The following MYOF variants were observed in gnomAD, a reference collection of about 807,000 sequenced individuals.
MYOF encodes myoferlin.
MYOF carries 244 observed loss-of-function variants against 284.2 expected under a neutral mutation model. The observed-to-expected ratio is 0.86, with a 90% CI of 0.77 to 0.95. The LOEUF (loss-of-function observed/expected upper bound fraction) is 0.95. Among genes scored for constraint, MYOF ranks in the 40% least tolerant of loss-of-function variants. The pLI, the probability that MYOF is intolerant of heterozygous loss-of-function variation, is 0.00. For synonymous variants in MYOF, 904 were observed against 919.7 expected, an observed-to-expected ratio of 0.98 and a Z score of 0.31; for missense variants, 2,496 against 2,560.6, an observed-to-expected ratio of 0.97 and a Z score of 0.54.
chr10:93,397,530 A>G, intron 13 of MYOF, 74 bp from the exon 14 acceptor site: 1 of 1,073,560 alleles, frequency 9.3e-7, no homozygotes, highest in Non-Finnish European at 1.4e-6. Context: ...TATGCATACT[A>G]GATTATGACT....
chr10:93,327,206 G>A (rs1209322855), intron 45 of MYOF, among the ~76,000 whole-genome samples: 1 of 152,014 alleles, frequency 6.6e-6, no homozygotes, highest in Non-Finnish European at 1.5e-5. Flanking sequence ...CTGGTCATCA[G>A]CCCCAGCCGA....
chr10:93,469,830 A>G (rs1474351), intron 1 of MYOF, among the ~76,000 whole-genome samples: 118,347 of 152,160 alleles, frequency 0.78, 46,461 homozygotes, highest in South Asian at 0.85. Context: ...ACCCTGCTGT[A>G]AGACCTTGAG....
At position 93,340,160 on chromosome 10, in the gene MYOF, G is replaced by T. The variant is rs1272440879; in HGVS notation, c.4331C>A (p.Thr1444Lys). The change falls in exon 39 of 54, where the codon ACA (threonine) becomes AAA (lysine). Residue 1444 changes from threonine (T) to lysine (K), a missense_variant. Physicochemically the swap from Thr to Lys is moderately conservative, Grantham distance 78 (BLOSUM62 -1). This residue lies in a region of MYOF where 2,436 missense variants were observed against 2,480.7 expected (regional missense o/e 0.98). Coordinates refer to ENST00000359263, the MANE Select transcript of MYOF (RefSeq NM_013451.4). ...DTKPLLASKL[T>K]EKEEEIVDWW... ...AATGTATACCATAGTTACCTTTTCT[G>T]TCAGCTGCTCGTGCACATGTCCCGT... The T allele has an allele frequency of 6.2e-7, 1 of 1,613,956 alleles. No individual in the cohort carries two copies. Among genetic ancestry groups the T allele is most frequent in the Non-Finnish European group, 8.5e-7 (1 of 1,179,928 alleles).
intron 1 of MYOF, among the ~76,000 whole-genome samples, chr10:93,462,864 A>T (rs2134352734): frequency 1.3e-5 from 2 of 151,714 alleles, no homozygotes; most frequent in African/African-American, 4.8e-5. Flanking sequence ...GGCACTGAAC[A>T]TCAAATTGAA....
intron 5 of MYOF, among the ~76,000 whole-genome samples, chr10:93,416,181 G>A (rs1411847650): frequency 6.6e-6 from 1 of 152,182 alleles, no homozygotes; most frequent in African/African-American, 2.4e-5. Context: ...GAACCAAAGC[G>A]CAGCTGCTCA....
chr10:93,454,987 T>A (rs3121306), intron 2 of MYOF, among the ~76,000 whole-genome samples: 20,441 of 58,612 alleles, frequency 0.35, 4,145 homozygotes, highest in Middle Eastern at 0.53. Flanking sequence ...TTTTTTTAAT[T>A]AAAAAAAAAA....
At chr10:93,337,639 G>C (rs1216442478) in intron 40 of MYOF, 176 bp downstream of exon 40, 1 of 566,004 alleles carries the variant, frequency 1.8e-6, no homozygotes, top group Non-Finnish European at 3.1e-6. Flanking sequence ...TCAAGTCCCT[G>C]GAATCTTGGC....
chr10:93,478,173 T>A (rs781081611), intron 1 of MYOF: 29 of 282,894 alleles, frequency 1.0e-4, no homozygotes, highest in South Asian at 9.8e-4. Context: ...AAAAGTTTTT[T>A]AACAACCTGT....
intron 53 of MYOF, 96 bp downstream of exon 53, chr10:93,309,924 C>A: frequency 6.8e-7 from 1 of 1,475,054 alleles, no homozygotes; most frequent in Non-Finnish European, 9.3e-7. Context: ...CTGAGCGGGT[C>A]ATTCTTCTGC....
At chr10:93,385,995 TC>T (rs1425313143) in intron 19 of MYOF, among the ~76,000 whole-genome samples, 9 of 152,208 alleles carry the variant, frequency 5.9e-5, no homozygotes, top group Admixed American at 5.9e-4. Flanking sequence ...TTTCTCCTTC[TC>T]CCTGCAACTA....
chr10:93,424,443 G>A lies in MYOF; in HGVS notation c.433+1628C>T, dbSNP rs1462886807. ...TGCTGGCCTGTGTCCTCTGTGTTTCGTGGTTTTTTGTTTGTTTTTTTTTGT... is the reference window on the plus strand; with the variant it reads ...TGCTGGCCTGTGTCCTCTGTGTTTCATGGTTTTTTGTTTGTTTTTTTTTGT... On this transcript the variant is annotated intron_variant, in intron 5 of 53. Transcript: ENST00000359263. Among the ~76,000 whole-genome samples, 17 of 152,090 alleles carry A rather than the reference G, an allele frequency of 1.1e-4. 1 individual carries two copies. The highest frequency in any genetic ancestry group is 8.5e-4 in the Admixed American group (13 of 15,268).
In MYOF at chr10:93,397,306, A is replaced by G. The variant is rs755926878; in HGVS notation, c.1291-16T>C. On this transcript the variant is annotated splice_polypyrimidine_tract_variant and intron_variant, in intron 14 of 53. Transcript: ENST00000359263. ...CTGAAGGAAACTAAAAAAATGAGAC[A>G]GAAAAAAGTAGTTATTTCTCAATGA... 3.1e-6 allele frequency: 5 copies of G among 1,599,486 alleles called. No homozygotes were observed. Among genetic ancestry groups the G allele is most frequent in the Non-Finnish European group, 3.4e-6 (4 of 1,169,944 alleles).
At chr10:93,317,067 C>T (rs372415289) in intron 49 of MYOF, among the ~76,000 whole-genome samples, 16 of 150,344 alleles carry the variant, frequency 1.1e-4, no homozygotes, top group East Asian at 2.0e-4. Flanking sequence ...TGTGACTTCC[C>T]GCTGCCACCT....
At chr10:93,352,992 G>A (rs1564642111) in intron 32 of MYOF, among the ~76,000 whole-genome samples, 1 of 152,200 alleles carries the variant, frequency 6.6e-6, no homozygotes, top group South Asian at 2.1e-4. Flanking sequence ...GTGAGCACAT[G>A]AGAGTGTCAG....
At chr10:93,344,080 A>T in intron 37 of MYOF, 148 bp from the exon 38 acceptor site, 1 of 750,972 alleles carries the variant, frequency 1.3e-6, no homozygotes, top group Non-Finnish European at 2.2e-6. Flanking sequence ...CAACTCCTGA[A>T]TGTAGAAAAT....
intron 2 of MYOF, among the ~76,000 whole-genome samples, chr10:93,454,611 C>T (rs2056687785): frequency 6.6e-6 from 1 of 152,194 alleles, no homozygotes; most frequent in African/African-American, 2.4e-5. Flanking sequence ...TGGCTGTGTT[C>T]TGGATTCTGG....
At chr10:93,338,720 C>T (rs1400063372) in intron 39 of MYOF, among the ~76,000 whole-genome samples, 1 of 152,026 alleles carries the variant, frequency 6.6e-6, no homozygotes, top group Non-Finnish European at 1.5e-5. Context: ...TCAGAAGTTC[C>T]CCAGGAGAGT....
At chr10:93,307,194 C>CCCCT (rs1554833970) in intron 53 of MYOF, among the ~76,000 whole-genome samples, 193 bp from the exon 54 acceptor site, 4 of 120,392 alleles carry the variant, frequency 3.3e-5, no homozygotes, top group Non-Finnish European at 6.1e-5. Context: ...TAGCACCCCC[C>CCCCT]CGCCAAGTTG....
intron 41 of MYOF, among the ~76,000 whole-genome samples, chr10:93,334,551 C>T (rs1055894371): frequency 1.3e-5 from 2 of 152,162 alleles, no homozygotes; most frequent in South Asian, 2.1e-4. Context: ...TTGTTCATCA[C>T]CCTATCTCCA....
Sources: allele counts gnomAD v4.1 joint callset (sites outside exome capture counted in the v4.1 genomes callset), GRCh38; gene constraint gnomAD v4.1.1; regional missense constraint gnomAD v4.1.1; transcripts MANE v1.5; gene names NCBI Gene and HGNC (gene_info 2026-07-23, HGNC 2026-07-21).